RICTOR: variants seen among roughly 807,000 people sequenced by gnomAD.
RICTOR encodes the protein RPTOR independent companion of MTOR complex 2, also known as rapamycin-insensitive companion of mTOR.
A neutral mutation model predicts 214.9 loss-of-function variants in RICTOR; 49 were observed. That is an observed-to-expected ratio of 0.23 (90% confidence interval 0.18 to 0.29). The LOEUF (loss-of-function observed/expected upper bound fraction) is 0.29. RICTOR is among the 10% of genes least tolerant of loss of function. The probability of loss-of-function intolerance (pLI) is 1.00; values close to 1 mark genes in which losing one functional copy is unlikely to be tolerated. For synonymous variants in RICTOR, 717 were observed against 711.3 expected (o/e 1.01, Z -0.13); for missense variants, 1,625 against 2,047.0 (o/e 0.79, Z 3.98).
chr5:39,002,785 C>A, intron 4 of RICTOR, 119 bp from the exon 5 acceptor site: 2 of 930,548 alleles, frequency 2.1e-6, no homozygotes, highest in Non-Finnish European at 1.6e-6. Flanking sequence ...GCACAGAATT[C>A]TAAGAGCATT....
At position 38,952,440 on chromosome 5, in the gene RICTOR, T is replaced by C. The variant is rs777720888; in HGVS notation, c.2898-15A>G. On this transcript the variant is annotated splice_polypyrimidine_tract_variant and intron_variant, in intron 29 of 37. Coordinates refer to ENST00000357387, the MANE Select transcript of RICTOR (RefSeq NM_152756.5). ...ATACACAGGTCCTGTATATAAAAGA[T>C]GCAGTAAAAACAGTTATAATTCCAA... The C allele has an allele frequency of 6.9e-5, 104 of 1,513,946 alleles. No individual in the cohort carries two copies. The highest frequency in any genetic ancestry group is 9.3e-5 in the Non-Finnish European group (101 of 1,091,332). 93.8% of individuals were successfully genotyped at this position (1,513,946 alleles called of 1,614,324 possible).
chr5:39,046,119 T>C (rs749278116), intron 2 of RICTOR, among the ~76,000 whole-genome samples: 10 of 150,694 alleles, frequency 6.6e-5, no homozygotes, highest in Non-Finnish European at 1.0e-4. Context: ...GGAGGCCAAG[T>C]TGGGAGGATT....
intron 2 of RICTOR, among the ~76,000 whole-genome samples, chr5:39,033,800 A>AT (rs1756449284): frequency 6.6e-6 from 1 of 152,180 alleles, no homozygotes; most frequent in Non-Finnish European, 1.5e-5. Flanking sequence ...ACTTAACCAT[A>AT]TAACAAACCT....
intron 2 of RICTOR, among the ~76,000 whole-genome samples, chr5:39,047,493 C>G (rs1207548392): frequency 6.6e-6 from 1 of 152,192 alleles, no homozygotes; most frequent in Non-Finnish European, 1.5e-5. Context: ...TACCGGTGCA[C>G]AGCCAGGGGT....
chr5:38,969,501 T>C (rs1035864823), intron 11 of RICTOR, among the ~76,000 whole-genome samples: 4 of 145,762 alleles, frequency 2.7e-5, no homozygotes, highest in Non-Finnish European at 4.5e-5. Context: ...TTTTAATAAA[T>C]TAAATGTAGC....
rs1444018734 is a variant in RICTOR, at chr5:38,947,325, T to C, written c.4253A>G (p.Tyr1418Cys). 6 of 1,613,206 alleles carry C rather than the reference T, an allele frequency of 3.7e-6. No individual in the cohort carries two copies. The highest frequency in any genetic ancestry group is 5.1e-6 in the Non-Finnish European group (6 of 1,179,298). The stretch of plus-strand genomic sequence containing the variant: ...ACCAATGTAATCATCTGAACCCCCA[T>C]ATGTGGCACTGGACACCATGGACCG... ...SVRSMVSSAT[Y>C]GGSDDYIGLA... Residue 1418 changes from tyrosine to cysteine, a missense_variant, in exon 32 of 38, where the codon TAT becomes TGT. Around this residue, in one of 5 missense-constraint regions of RICTOR, gnomAD observed 1,214 missense variants for 1,470.5 expected, o/e 0.83. Coordinates refer to ENST00000357387, the MANE Select transcript of RICTOR (RefSeq NM_152756.5).
chr5:38,989,796 T>C (rs1307354453), intron 7 of RICTOR, among the ~76,000 whole-genome samples: 3 of 152,100 alleles, frequency 2.0e-5, no homozygotes, highest in Non-Finnish European at 2.9e-5. Flanking sequence ...GAAACCACAA[T>C]GAAATACCAT....
chr5:39,018,539 TAC>T (rs1204206630), intron 3 of RICTOR, among the ~76,000 whole-genome samples: 6 of 152,144 alleles, frequency 3.9e-5, no homozygotes, highest in Non-Finnish European at 8.8e-5. Flanking sequence ...ATTCTTACAA[TAC>T]TAAAAATGTT....
At position 39,023,757 on chromosome 5, in the gene RICTOR, G is replaced by A. The variant is rs1488038188; in HGVS notation, c.98-2621C>T. Among the ~76,000 whole-genome samples the A allele has an allele frequency of 3.3e-5, 5 of 152,228 alleles. No homozygotes were observed. In the East Asian group the frequency reaches 5.8e-4, roughly 18 times the overall value. On this transcript the variant is annotated intron_variant, in intron 2 of 37. Coordinates refer to ENST00000357387, the MANE Select transcript of RICTOR (RefSeq NM_152756.5). ...CTGTCCTGCTTTAAATTTAGCTTGC[G>A]TCTGCCTACCTTACTCCATTCTGTT...
At chr5:39,042,212 GTTAT>G (rs771003954) in intron 2 of RICTOR, among the ~76,000 whole-genome samples, 11 of 151,910 alleles carry the variant, frequency 7.2e-5, no homozygotes, top group Non-Finnish European at 1.5e-4. Flanking sequence ...ATCTCTTTGG[GTTAT>G]TTAATCTGAA....
chr5:38,985,678 T>C (rs936654851), intron 7 of RICTOR, among the ~76,000 whole-genome samples: 4 of 152,000 alleles, frequency 2.6e-5, no homozygotes, highest in East Asian at 3.9e-4. Flanking sequence ...AGCCCTTTCA[T>C]GCCTTTGCAC....
At chr5:39,041,839 C>A (rs1395043899) in intron 2 of RICTOR, among the ~76,000 whole-genome samples, 1 of 149,910 alleles carries the variant, frequency 6.7e-6, no homozygotes, top group East Asian at 2.0e-4. Context: ...ACTCCAGAGG[C>A]TGATAGTAGG....
intron 32 of RICTOR, 130 bp downstream of exon 32, chr5:38,947,134 A>G (rs914005085): frequency 3.1e-6 from 2 of 650,618 alleles, no homozygotes; most frequent in Non-Finnish European, 5.4e-6. Flanking sequence ...TTCTTTAAAC[A>G]AAACGGTCTT....
chr5:39,012,366 C>T (rs62359834), intron 3 of RICTOR, among the ~76,000 whole-genome samples: 17,643 of 152,104 alleles, frequency 0.12, 1,308 homozygotes, highest in Non-Finnish European at 0.16. Context: ...CTTAGGTGTC[C>T]CCAGCCCTGT....
At position 38,940,256 on chromosome 5, in the gene RICTOR, T is replaced by C. The variant is rs1196768816; in HGVS notation, c.*2048A>G. 4.3e-6 allele frequency: 1 copy of C among 231,712 alleles called. No individual in the cohort carries two copies. Among genetic ancestry groups the C allele is most frequent in the Non-Finnish European group, 8.5e-6 (1 of 117,228 alleles). The allele number at this position is 231,712 out of a possible 1,614,324, so 14.4% of individuals were successfully genotyped here. On this transcript the variant is annotated 3_prime_UTR_variant, in exon 38 of 38. Coordinates refer to ENST00000357387, the MANE Select transcript of RICTOR (RefSeq NM_152756.5). ...TGGTGGGGGAGGGGGTGTGTGTGTGTGTAAGACAAAAAAAAAATTACTGTT... is the reference window on the plus strand; with the variant it reads ...TGGTGGGGGAGGGGGTGTGTGTGTGCGTAAGACAAAAAAAAAATTACTGTT...
At chr5:38,962,794 C>G in intron 17 of RICTOR, 82 bp downstream of exon 17, 5 of 1,191,870 alleles carry the variant, frequency 4.2e-6, no homozygotes, top group Non-Finnish European at 6.2e-6. Context: ...AGTGTAAACT[C>G]AAATACATGC....
chr5:38,943,241 G>A (rs1747799576), intron 36 of RICTOR: 2 of 325,852 alleles, frequency 6.1e-6, no homozygotes, highest in Non-Finnish European at 1.1e-5. Flanking sequence ...ATGAGAAATT[G>A]CAAAATATAT....
chr5:38,953,382 TTATC>T (rs1419205123), intron 28 of RICTOR, 75 bp downstream of exon 28: 4 of 592,032 alleles, frequency 6.8e-6, no homozygotes, highest in Non-Finnish European at 1.2e-5. Flanking sequence ...AAGAAAATAT[TTATC>T]TATTTAGTAT....
intron 2 of RICTOR, among the ~76,000 whole-genome samples, chr5:39,038,383 G>A (rs1423199313): frequency 6.6e-6 from 1 of 152,128 alleles, no homozygotes; most frequent in African/African-American, 2.4e-5. Context: ...GACAAAAACT[G>A]GAAGCATTCC....
Sources: allele counts gnomAD v4.1 joint callset (sites outside exome capture counted in the v4.1 genomes callset), GRCh38; gene constraint gnomAD v4.1.1; regional missense constraint gnomAD v4.1.1; transcripts MANE v1.5; gene names NCBI Gene and HGNC (gene_info 2026-07-23, HGNC 2026-07-21).